Variants in PDE11A observed in about 807,000 individuals in gnomAD.
PDE11A encodes the protein dual 3',5'-cyclic-AMP and -GMP phosphodiesterase 11A.
In PDE11A, 100 loss-of-function variants were observed where a neutral mutation model predicts 100.5. That is an observed-to-expected ratio of 1.00 (90% CI 0.85 to 1.18). PDE11A has a LOEUF of 1.18. PDE11A is among the 50% of genes most tolerant of loss of function. The probability of loss-of-function intolerance (pLI) is 0.00; values close to 1 mark genes in which losing one functional copy is unlikely to be tolerated. For synonymous variants in PDE11A, 381 were observed against 420.8 expected, an observed-to-expected ratio of 0.91 and a Z score of 1.16; for missense variants, 1,141 against 1,152.6, an observed-to-expected ratio of 0.99 and a Z score of 0.15.
intron 1 of PDE11A, among the ~76,000 whole-genome samples, chr2:178,061,602 G>A (rs1295751050): frequency 3.3e-5 from 5 of 152,178 alleles, no homozygotes; most frequent in African/African-American, 1.2e-4. Flanking sequence ...GATAAATAGG[G>A]AAGAGTAAAG....
chr2:177,645,427 C>T (rs574131953), intron 19 of PDE11A, among the ~76,000 whole-genome samples: 1 of 152,246 alleles, frequency 6.6e-6, no homozygotes, highest in Non-Finnish European at 1.5e-5. Context: ...GAACTCCTGA[C>T]CTGAAGTGAT....
chr2:177,726,423 T>C lies in PDE11A; in HGVS notation c.2043+1235A>G, dbSNP rs933570911. ...AATGGTGGTTGAGCAAATAAGTAGA[T>C]GCTGTTGAAAAAACAAGAAATGATC... On this transcript the variant is annotated intron_variant, in intron 12 of 19. Coordinates refer to ENST00000286063, the MANE Select transcript of PDE11A (RefSeq NM_016953.4). Among the ~76,000 whole-genome samples the C allele has an allele frequency of 7.9e-5, 12 of 152,244 alleles. No individual in the cohort carries two copies. In the South Asian group the frequency reaches 1.9e-3, roughly 24 times the overall value.
chr2:177,906,785 T>C (rs1273372201), intron 2 of PDE11A, among the ~76,000 whole-genome samples: 2 of 152,228 alleles, frequency 1.3e-5, no homozygotes, highest in East Asian at 1.9e-4. Context: ...CTGCCAGATA[T>C]TCCATTAGAA....
intron 6 of PDE11A, among the ~76,000 whole-genome samples, chr2:177,839,727 A>G (rs1381902369): frequency 6.6e-6 from 1 of 152,326 alleles, no homozygotes; most frequent in Middle Eastern, 3.4e-3. Flanking sequence ...TTCAATATGT[A>G]TATATGAGTA....
chr2:178,029,427 T>C (rs528659680), intron 1 of PDE11A, among the ~76,000 whole-genome samples: 15 of 152,052 alleles, frequency 9.9e-5, no homozygotes, highest in Non-Finnish European at 1.6e-4. Flanking sequence ...ATAAAATACT[T>C]AGAAAATACT....
At chr2:177,776,242 A>G (rs1012538323) in intron 9 of PDE11A, among the ~76,000 whole-genome samples, 1 of 152,136 alleles carries the variant, frequency 6.6e-6, no homozygotes, top group Non-Finnish European at 1.5e-5. Flanking sequence ...TATTTTCACT[A>G]TTTGTGTCAT....
chr2:178,096,752 A>T lies in PDE11A; in HGVS notation c.162+7550T>A, dbSNP rs1397559475. Among the ~76,000 whole-genome samples, 67 of 152,252 alleles carry T rather than the reference A, an allele frequency of 4.4e-4. 1 individual carries two copies. Among genetic ancestry groups the T allele is most frequent in the Non-Finnish European group, 1.5e-5 (1 of 68,050 alleles). On this transcript the variant is annotated intron_variant, in intron 2 of 20. Transcript: ENST00000358450. ...GAACTTCATTGTCCACATCACTGTC[A>T]GCATTTTGGTCAAAACCATTCAACA...
rs539047520 is a variant in PDE11A at position 177,850,334 on chromosome 2, G to A, written c.1368-9951C>T. 7.2e-3 allele frequency among the ~76,000 whole-genome samples: 1,097 copies of A among 152,260 alleles called. 12 individuals carry two copies. Among genetic ancestry groups the A allele is most frequent in the African/African-American group, 0.025 (1,020 of 41,536 alleles). On this transcript the variant is annotated intron_variant, in intron 5 of 19. Transcript: ENST00000286063. ...TGCTGGGAAAACTGGCTAGACATATGTAGAAAGCTGAAACTGGATCCCTTC... is the reference window on the plus strand; with the variant it reads ...TGCTGGGAAAACTGGCTAGACATATATAGAAAGCTGAAACTGGATCCCTTC...
chr2:177,922,373 A>G (rs184763641), intron 2 of PDE11A, among the ~76,000 whole-genome samples: 8 of 152,332 alleles, frequency 5.3e-5, no homozygotes, highest in African/African-American at 1.7e-4. Flanking sequence ...CCAACATGGC[A>G]CATGTATACA....
chr2:177,980,975 TACACACACACACACACACACACAC>T (rs3073403), intron 2 of PDE11A, among the ~76,000 whole-genome samples: 1 of 129,688 alleles, frequency 7.7e-6, no homozygotes, highest in African/African-American at 2.7e-5. Context: ...GAGAACTAGA[TACACACACACACACACACACACAC>T]ACACACACAC....
intron 5 of PDE11A, among the ~76,000 whole-genome samples, chr2:177,842,088 T>A (rs2083500621): frequency 6.6e-6 from 1 of 152,236 alleles, no homozygotes; most frequent in African/African-American, 2.4e-5. Context: ...TTCTGACCTT[T>A]CAGGGATTAA....
At chr2:177,863,828 C>T (rs574518213) in intron 5 of PDE11A, among the ~76,000 whole-genome samples, 1 of 152,018 alleles carries the variant, frequency 6.6e-6, no homozygotes, top group South Asian at 2.1e-4. Flanking sequence ...CCCAGCAACC[C>T]CTCTTCTGGA....
At chr2:177,723,766 T>C (rs1038954515) in intron 12 of PDE11A, among the ~76,000 whole-genome samples, 1 of 152,164 alleles carries the variant, frequency 6.6e-6, no homozygotes, top group Non-Finnish European at 1.5e-5. Flanking sequence ...ATACTGACTC[T>C]TAAAGAAATC....
At chr2:177,813,714 T>G (rs2082988487) in intron 9 of PDE11A, among the ~76,000 whole-genome samples, 1 of 152,096 alleles carries the variant, frequency 6.6e-6, no homozygotes, top group Admixed American at 6.6e-5. Context: ...GTATTCCCAT[T>G]AACTCTCTAG....
intron 5 of PDE11A, among the ~76,000 whole-genome samples, chr2:177,862,129 G>A (rs1296765178): frequency 6.6e-6 from 1 of 151,746 alleles, no homozygotes; most frequent in African/African-American, 2.4e-5. Flanking sequence ...AGACAACTCA[G>A]AATGAAGGCA....
At chr2:177,897,951 G>T in intron 4 of PDE11A, 107 bp downstream of exon 4, 1 of 955,030 alleles carries the variant, frequency 1.0e-6, no homozygotes, top group Non-Finnish European at 1.7e-6. Flanking sequence ...TGGTTGAAGA[G>T]TCACGAAGAG....
intron 2 of PDE11A, among the ~76,000 whole-genome samples, chr2:177,925,357 G>T (rs2105758324): frequency 6.6e-6 from 1 of 151,622 alleles, no homozygotes; most frequent in African/African-American, 2.4e-5. Flanking sequence ...CAGTGTAAAA[G>T]TGTTCCTATT....
At chr2:177,652,259 TC>T (rs990591891) in intron 19 of PDE11A, among the ~76,000 whole-genome samples, 34 of 152,010 alleles carry the variant, frequency 2.2e-4, no homozygotes, top group African/African-American at 8.0e-4. Flanking sequence ...CCAAAGAGGG[TC>T]CCAGAGGCTA....
intron 2 of PDE11A, among the ~76,000 whole-genome samples, chr2:177,949,653 A>C (rs774254195): frequency 6.6e-6 from 1 of 152,232 alleles, no homozygotes; most frequent in East Asian, 1.9e-4. Flanking sequence ...AGTGCTTGCC[A>C]TATAGTACTT....
Sources: allele counts gnomAD v4.1 joint callset (sites outside exome capture counted in the v4.1 genomes callset), GRCh38; gene constraint gnomAD v4.1.1; transcripts MANE v1.5; gene names NCBI Gene and HGNC (gene_info 2026-07-23, HGNC 2026-07-21).